UBE2V2: variants seen among roughly 807,000 people sequenced by gnomAD.
The protein encoded by UBE2V2 is ubiquitin-conjugating enzyme E2 variant 2.
In UBE2V2, 9 loss-of-function variants were observed where a neutral mutation model predicts 17.2. The ratio of observed to expected loss-of-function variants is 0.52; its 90% CI spans 0.32 to 0.91. The LOEUF is 0.91. Ranked by LOEUF, UBE2V2 falls within the 40% of genes least tolerant of loss-of-function variation. UBE2V2 has a pLI of 0.04. For synonymous variants in UBE2V2, 61 were observed against 57.5 expected (o/e 1.06, Z -0.28); for missense variants, 133 against 182.6 (o/e 0.73, Z 1.56).
At chr8:48,018,830 A>G (rs1466947017) in intron 1 of UBE2V2, among the ~76,000 whole-genome samples, 1 of 152,102 alleles carries the variant, frequency 6.6e-6, no homozygotes, top group Non-Finnish European at 1.5e-5. Flanking sequence ...AGGTGCTTTG[A>G]TGTTGGGTGC....
upstream of UBE2V2, among the ~76,000 whole-genome samples, chr8:48,005,160 C>T (rs1329863035): frequency 3.3e-5 from 5 of 151,996 alleles, no homozygotes; most frequent in East Asian, 7.7e-4. Context: ...CTAATGCTAT[C>T]CCTCCCCTAG....
At chr8:48,008,682 C>G (rs2091204380) in intron 1 of UBE2V2, 1 of 460,760 alleles carries the variant, frequency 2.2e-6, no homozygotes, top group African/African-American at 2.1e-5. Flanking sequence ...CGCGCGTCGG[C>G]CGCGCGCCGG....
At chr8:48,042,765 T>G (rs1339872638) in intron 1 of UBE2V2, 3 of 253,628 alleles carry the variant, frequency 1.2e-5, no homozygotes, top group Non-Finnish European at 2.2e-5. Flanking sequence ...TCCTTATGGT[T>G]GATTGACTTA....
chr8:48,046,756 C>T (rs1052010774), intron 2 of UBE2V2, among the ~76,000 whole-genome samples: 1 of 151,984 alleles, frequency 6.6e-6, no homozygotes, highest in African/African-American at 2.4e-5. Flanking sequence ...ACCACCATAC[C>T]TGGCTAATTT....
chr8:48,047,018 C>T (rs1476893446), intron 2 of UBE2V2, among the ~76,000 whole-genome samples: 7 of 151,676 alleles, frequency 4.6e-5, no homozygotes, highest in Non-Finnish European at 8.8e-5. Context: ...TCGGGCTCAC[C>T]GCAACCTCTG....
At chr8:48,050,175 C>A in intron 3 of UBE2V2, 197 bp downstream of exon 3, 1 of 355,978 alleles carries the variant, frequency 2.8e-6, no homozygotes. Flanking sequence ...ATTAGGCCAT[C>A]CTTAAAAACC....
chr8:48,041,473 G>A (rs1480138751), intron 1 of UBE2V2, among the ~76,000 whole-genome samples: 1 of 152,044 alleles, frequency 6.6e-6, no homozygotes, highest in East Asian at 1.9e-4. Context: ...AACACAGCAG[G>A]TGTATGAGGA....
At chr8:48,040,040 CT>C (rs56888818) in intron 1 of UBE2V2, among the ~76,000 whole-genome samples, 10,006 of 140,226 alleles carry the variant, frequency 0.071, 493 homozygotes, top group African/African-American at 0.16. Context: ...GCCTTTTCTA[CT>C]TTTTTTTTTT....
chr8:48,021,927 G>A (rs1717924921), intron 1 of UBE2V2, among the ~76,000 whole-genome samples: 2 of 151,684 alleles, frequency 1.3e-5, no homozygotes, highest in African/African-American at 2.4e-5. Flanking sequence ...TGATCCACCT[G>A]CCTCAGCCTC....
chr8:48,019,772 G>A (rs1479365674), intron 1 of UBE2V2, among the ~76,000 whole-genome samples: 3 of 151,832 alleles, frequency 2.0e-5, no homozygotes, highest in Admixed American at 6.6e-5. Context: ...CCGAGATTGC[G>A]CCACTGCACT....
At chr8:48,016,894 T>C (rs1487166321) in intron 1 of UBE2V2, among the ~76,000 whole-genome samples, 1 of 150,518 alleles carries the variant, frequency 6.6e-6, no homozygotes, top group Non-Finnish European at 1.5e-5. Flanking sequence ...CAAGCGATTC[T>C]CCTGTCTTAG....
At chr8:48,034,327 A>C (rs541334531) in intron 1 of UBE2V2, among the ~76,000 whole-genome samples, 1 of 151,892 alleles carries the variant, frequency 6.6e-6, no homozygotes, top group Admixed American at 6.6e-5. Context: ...GGGTTTCACT[A>C]TGTTGGCCAG....
At chr8:48,044,738 G>C (rs2154507779) in intron 2 of UBE2V2, among the ~76,000 whole-genome samples, 1 of 151,984 alleles carries the variant, frequency 6.6e-6, no homozygotes, top group East Asian at 1.9e-4. Flanking sequence ...TGGTCTGTTT[G>C]GTTTAAAAAA....
chr8:48,049,938 C>G lies in UBE2V2; in HGVS notation c.251C>G (p.Thr84Arg). 2 of 1,577,878 alleles carry G rather than the reference C, an allele frequency of 1.3e-6. No individual in the cohort carries two copies. The highest frequency in any genetic ancestry group is 1.2e-5 in the South Asian group (1 of 84,912). ...PEAPPSVRFVTKINMNGINNS... is the reference protein window; with the variant it reads ...PEAPPSVRFVRKINMNGINNS... ...GCTCCTCCGTCAGTTAGATTTGTAA[C>G]AAAAATTAATATGAACGGAATAAAT... The change falls in exon 3 of 4, where the codon ACA (threonine) becomes AGA (arginine). Residue 84 changes from threonine to arginine, a missense_variant. By Grantham distance (71) the Thr-to-Arg change is moderately conservative. This residue lies in a region of UBE2V2 where 92 missense variants were observed against 124.3 expected (regional missense o/e 0.74). Coordinates refer to ENST00000523111, the MANE Select transcript of UBE2V2 (RefSeq NM_003350.3).
intron 1 of UBE2V2, chr8:48,035,131 T>TTTTTC (rs2091413465): frequency 1.1e-6 from 1 of 908,876 alleles, no homozygotes; most frequent in Non-Finnish European, 1.3e-6. Context: ...TTTTTTTTTT[T>TTTTTC]TGGAGGTGGA....
intron 3 of UBE2V2, among the ~76,000 whole-genome samples, chr8:48,053,451 TCTCA>T (rs2091552220): frequency 6.8e-6 from 1 of 146,340 alleles, no homozygotes; most frequent in African/African-American, 2.5e-5. Context: ...TGAGATGGAG[TCTCA>T]CTCTGTCTCC....
intron 1 of UBE2V2, among the ~76,000 whole-genome samples, chr8:48,009,724 C>T (rs750379102): frequency 1.3e-5 from 2 of 152,102 alleles, no homozygotes; most frequent in African/African-American, 2.4e-5. Context: ...AGAGTAATAC[C>T]TCAGGATACA....
At chr8:48,034,496 A>G (rs1328971909) in intron 1 of UBE2V2, among the ~76,000 whole-genome samples, 4 of 152,120 alleles carry the variant, frequency 2.6e-5, no homozygotes, top group African/African-American at 4.8e-5. Context: ...CTTTGGATCC[A>G]TACTGATGTA....
intron 1 of UBE2V2, among the ~76,000 whole-genome samples, chr8:48,025,062 G>A (rs1395895034): frequency 6.6e-6 from 1 of 151,730 alleles, no homozygotes; most frequent in Non-Finnish European, 1.5e-5. Context: ...AGCCTCCCGA[G>A]TAGCTGGAAC....
Sources: gnomAD v4.1 joint callset for allele counts (sites outside exome capture counted in the v4.1 genomes callset) on GRCh38, gnomAD v4.1.1 for gene constraint, gnomAD v4.1.1 regional missense constraint, MANE v1.5 for transcripts, NCBI Gene and HGNC (gene_info 2026-07-23, HGNC 2026-07-21) for gene names.